RAP1B: variants seen among roughly 807,000 people sequenced by gnomAD.
RAP1B encodes RAP1B, member of RAS oncogene family, also known as ras-related protein Rap-1b.
RAP1B carries 1 observed loss-of-function variant against 27.5 expected under a neutral mutation model. That is an observed-to-expected ratio of 0.04 (90% CI 0.01 to 0.17). The LOEUF is 0.17. Ranked by LOEUF, RAP1B falls within the 10% of genes least tolerant of loss-of-function variation. The pLI is 1.00. For missense variants in RAP1B, 84 were observed against 214.8 expected, an observed-to-expected ratio of 0.39 and a Z score of 3.81; for synonymous variants, 75 against 73.1, an observed-to-expected ratio of 1.03 and a Z score of -0.13.
intron 6 of RAP1B, among the ~76,000 whole-genome samples, chr12:68,656,835 T>C (rs1023933420): frequency 1.3e-5 from 2 of 152,212 alleles, no homozygotes; most frequent in African/African-American, 4.8e-5. Flanking sequence ...AAGGATTTTT[T>C]CTTTGTGTGA....
intron 1 of RAP1B, among the ~76,000 whole-genome samples, chr12:68,612,006 C>G (rs752807845): frequency 3.9e-5 from 6 of 152,160 alleles, no homozygotes; most frequent in East Asian, 1.9e-4. Flanking sequence ...CTCTCCCACT[C>G]TCTTTAATAG....
chr12:68,653,434 T>C (rs1217704953), intron 4 of RAP1B, among the ~76,000 whole-genome samples: 3 of 151,816 alleles, frequency 2.0e-5, no homozygotes, highest in Non-Finnish European at 2.9e-5. Context: ...ATGGTCTAGA[T>C]CATGCTGATG....
chr12:68,620,203 ATTTTTT>A, intron 1 of RAP1B, among the ~76,000 whole-genome samples: 1 of 145,936 alleles, frequency 6.9e-6, no homozygotes, highest in African/African-American at 2.5e-5. Context: ...TTATTTTTTT[ATTTTTT>A]TTTATTTTTA....
intron 1 of RAP1B, chr12:68,621,496 G>A (rs1871384141): frequency 2.0e-5 from 3 of 152,166 alleles, no homozygotes. Context: ...GACTAGGTTT[G>A]CAAGCTTTTA....
At position 68,665,729 on chromosome 12, in the gene RAP1B, G is replaced by A. The variant is rs909836965; in HGVS notation, c.*6480G>A. 5.9e-5 allele frequency: 9 copies of A among 152,128 alleles called. No homozygotes were observed. Among genetic ancestry groups the A allele is most frequent in the African/African-American group, 1.9e-4 (8 of 41,422 alleles). 9.4% of individuals were successfully genotyped at this position (152,128 alleles called of 1,614,324 possible). On this transcript the variant is annotated 3_prime_UTR_variant, in exon 8 of 8. Transcript: ENST00000250559. ...GAATTTGCTACAAATGTAAGGAGATGATGGGATAGTTTTTGGAAATACCAT... is the reference window on the plus strand; with the variant it reads ...GAATTTGCTACAAATGTAAGGAGATAATGGGATAGTTTTTGGAAATACCAT...
chr12:68,635,701 C>T (rs556363601), intron 1 of RAP1B, among the ~76,000 whole-genome samples: 69 of 152,032 alleles, frequency 4.5e-4, no homozygotes, highest in African/African-American at 1.5e-3. Context: ...GCAATCCACC[C>T]GCCTCGGCCT....
At chr12:68,636,986 T>C (rs1326546071) in intron 1 of RAP1B, among the ~76,000 whole-genome samples, 3 of 152,116 alleles carry the variant, frequency 2.0e-5, no homozygotes, top group Non-Finnish European at 4.4e-5. Context: ...AAGATTTGTG[T>C]ATTTCATCTT....
rs1490669218 is a variant in RAP1B, at chr12:68,669,820, G to A, written c.*10571G>A. On this transcript the variant is annotated 3_prime_UTR_variant, in exon 8 of 8. Transcript: ENST00000250559. ...ATCTCAAGAAAAAGAAAAAAGAAAA[G>A]AAATTAAGCAAAATGATCTTAAAGT... 1 of 150,926 alleles carries A rather than the reference G, an allele frequency of 6.6e-6. No individual in the cohort carries two copies. The highest frequency in any genetic ancestry group is 2.4e-5 in the African/African-American group (1 of 41,098). The allele number at this position is 150,926 out of a possible 1,614,324, so 9.3% of individuals were successfully genotyped here. A position where few individuals can be genotyped will look rare whatever the true frequency, so the allele number is the denominator to read the frequency against.
At chr12:68,627,111 A>G (rs1409043241) in intron 1 of RAP1B, 2 of 1,589,516 alleles carry the variant, frequency 1.3e-6, no homozygotes, top group African/African-American at 1.3e-5. Context: ...AATGGAGATG[A>G]TAACTTGGCC....
At chr12:68,613,688 A>G (rs1358078801) in intron 1 of RAP1B, among the ~76,000 whole-genome samples, 1 of 152,186 alleles carries the variant, frequency 6.6e-6, no homozygotes, top group Non-Finnish European at 1.5e-5. Flanking sequence ...CTTCACAGTA[A>G]TCTTCCTAGC....
In RAP1B at chr12:68,662,436, A is replaced by AT. The variant is rs1874649843; in HGVS notation, c.*3188dup. The AT allele has an allele frequency of 1.3e-5, 2 of 151,720 alleles. No homozygotes were observed. The highest frequency in any genetic ancestry group is 2.4e-5 in the African/African-American group (1 of 41,378). 9.4% of individuals were successfully genotyped at this position (151,720 alleles called of 1,614,324 possible). A position where few individuals can be genotyped will look rare whatever the true frequency, so the allele number is the denominator to read the frequency against. ...AACGTAAATAGCTCATCTTTACCAT[A>AT]TGTGGGCATTACAAATAGAAATTTT... is the stretch of plus-strand genomic sequence containing the variant. On this transcript the variant is annotated 3_prime_UTR_variant, in exon 8 of 8. Transcript: ENST00000250559.
intron 7 of RAP1B, among the ~76,000 whole-genome samples, chr12:68,658,226 T>G (rs1231842929): frequency 6.6e-6 from 1 of 152,168 alleles, no homozygotes; most frequent in African/African-American, 2.4e-5. Flanking sequence ...CTTTTCAGAG[T>G]TTTTATTCCT....
intron 1 of RAP1B, among the ~76,000 whole-genome samples, chr12:68,611,816 C>T (rs879753704): frequency 1.3e-5 from 2 of 152,158 alleles, no homozygotes; most frequent in Non-Finnish European, 2.9e-5. Context: ...GTCCTCTTCT[C>T]TTTTTCGCCA....
At chr12:68,619,966 C>CT (rs1320007246) in intron 1 of RAP1B, among the ~76,000 whole-genome samples, 2 of 152,116 alleles carry the variant, frequency 1.3e-5, no homozygotes, top group Non-Finnish European at 2.9e-5. Context: ...TGTCCAAAGT[C>CT]TAACATAATC....
In RAP1B at chr12:68,662,917, G is replaced by C. The variant is rs906009449; in HGVS notation, c.*3668G>C. 2 of 151,900 alleles carry C rather than the reference G, an allele frequency of 1.3e-5. No homozygotes were observed. The highest frequency in any genetic ancestry group is 2.9e-5 in the Non-Finnish European group (2 of 67,984). 9.4% of individuals were successfully genotyped at this position (151,900 alleles called of 1,614,324 possible). The stretch of plus-strand genomic sequence containing the variant: ...TATTCAGAAGGATTGCTTGATCCCA[G>C]GAGATCAAGGATACAGTGAACTGTG... On this transcript the variant is annotated 3_prime_UTR_variant, in exon 8 of 8. Coordinates refer to ENST00000250559, the MANE Select transcript of RAP1B (RefSeq NM_001010942.3).
At chr12:68,619,705 A>G (rs1486655807) in intron 1 of RAP1B, among the ~76,000 whole-genome samples, 1 of 152,006 alleles carries the variant, frequency 6.6e-6, no homozygotes, top group Non-Finnish European at 1.5e-5. Context: ...TCTTTGATTT[A>G]TTTTGTTTAT....
At chr12:68,612,038 T>C (rs1048322950) in intron 1 of RAP1B, among the ~76,000 whole-genome samples, 12 of 152,220 alleles carry the variant, frequency 7.9e-5, no homozygotes, top group African/African-American at 2.4e-4. Flanking sequence ...ATTTTGGCCC[T>C]GTAACTTCTG....
chr12:68,652,409 T>C (rs1412516190), intron 4 of RAP1B, among the ~76,000 whole-genome samples: 1 of 151,722 alleles, frequency 6.6e-6, no homozygotes, highest in Non-Finnish European at 1.5e-5. Context: ...CTGTGGAGAT[T>C]GTGCCACTGC....
Position 68,668,612 on chromosome 12 carries a change from A to G in RAP1B, c.*9363A>G, listed in dbSNP as rs1001514438. 5.3e-5 allele frequency: 8 copies of G among 152,218 alleles called. No individual in the cohort carries two copies. The highest frequency in any genetic ancestry group is 1.7e-4 in the African/African-American group (7 of 41,458). 9.4% of individuals were successfully genotyped at this position (152,218 alleles called of 1,614,324 possible). A position where few individuals can be genotyped will look rare whatever the true frequency, so the allele number is the denominator to read the frequency against. ...TTTCCAAAGAGAAATAACGTTAACA[A>G]TCTGAAATCATCCCTGCACAGACTT... On this transcript the variant is annotated 3_prime_UTR_variant, in exon 8 of 8. Coordinates refer to ENST00000250559, the MANE Select transcript of RAP1B (RefSeq NM_001010942.3).
Sources: gnomAD v4.1 joint callset for allele counts (sites outside exome capture counted in the v4.1 genomes callset) on GRCh38, gnomAD v4.1.1 for gene constraint, MANE v1.5 for transcripts, NCBI Gene and HGNC (gene_info 2026-07-23, HGNC 2026-07-21) for gene names.